MARCHF1: variants seen among roughly 807,000 people sequenced by gnomAD.
MARCHF1 encodes membrane associated ring-CH-type finger 1.
Under a neutral mutation model 54.2 loss-of-function variants are expected in MARCHF1, and 40 were observed. That is an observed-to-expected ratio of 0.74 (90% CI 0.57 to 0.96). The LOEUF (loss-of-function observed/expected upper bound fraction) is 0.96, where lower values mean the gene tolerates loss of function less well. MARCHF1 is among the 40% of genes least tolerant of loss of function. The pLI is 0.00. For missense variants in MARCHF1, 586 were observed against 656.5 expected (o/e 0.89, Z 1.17); for synonymous variants, 236 against 236.3 (o/e 1.00, Z 0.01).
Position 164,143,476 on chromosome 4 carries a change from G to A in MARCHF1, c.-322-31814C>T, listed in dbSNP as rs372451923. On this transcript the variant is annotated intron_variant, in intron 1 of 9. Transcript: ENST00000514618. ...CCATCAGACTAACAGCAGATCTCTC[G>A]GCAGAAACTCTACAAGCCAGAAGAG... Among the ~76,000 whole-genome samples the A allele has an allele frequency of 2.7e-5, 4 of 149,250 alleles. No homozygotes were observed. The South Asian group carries it at 6.5e-4, about 24-fold the overall frequency.
intron 1 of MARCHF1, among the ~76,000 whole-genome samples, chr4:164,212,745 G>A (rs528635301): frequency 2.6e-5 from 4 of 152,158 alleles, no homozygotes; most frequent in Admixed American, 2.6e-4. Flanking sequence ...CTCCAAGGTT[G>A]GTTGAATCCA....
chr4:163,612,379 A>G lies in MARCHF1; in HGVS notation c.902T>C (p.Val301Ala). 1 of 1,535,268 alleles carries G rather than the reference A, an allele frequency of 6.5e-7. No homozygotes were observed. The highest frequency in any genetic ancestry group is 8.7e-7 in the Non-Finnish European group (1 of 1,146,432). Residue 301 changes from valine (V) to alanine (A), a missense_variant, in exon 7 of 10, where the codon GTT (valine) becomes GCT (alanine). Physicochemically the swap from Val to Ala is moderately conservative, Grantham distance 64 (BLOSUM62 0). This residue lies in a region of MARCHF1 where 387 missense variants were observed against 394.6 expected (regional missense o/e 0.98). Coordinates refer to ENST00000514618, the MANE Select transcript of MARCHF1 (RefSeq NM_001394959.1). ...ETDSSTEILG[V>A]PEGSKDMNDA... Reference sequence around the variant, plus strand: ...ATTCATGTCCTTGCTGCCTTCTGGAACTCCCAGTATTTCAGTGCTGGAATC... The same window carrying G: ...ATTCATGTCCTTGCTGCCTTCTGGAGCTCCCAGTATTTCAGTGCTGGAATC...
At chr4:164,291,002 A>T (rs930257487) in intron 1 of MARCHF1, among the ~76,000 whole-genome samples, 2 of 151,804 alleles carry the variant, frequency 1.3e-5, no homozygotes, top group African/African-American at 4.8e-5. Flanking sequence ...ATGTTTTTTA[A>T]ATTATGATGC....
At chr4:163,997,660 T>C (rs567470979) in intron 2 of MARCHF1, among the ~76,000 whole-genome samples, 3 of 152,124 alleles carry the variant, frequency 2.0e-5, no homozygotes, top group South Asian at 2.1e-4. Flanking sequence ...TGGTTCCTTA[T>C]ATAGAGAAAC....
chr4:164,180,608 G>T (rs1730807892), intron 1 of MARCHF1, among the ~76,000 whole-genome samples: 1 of 152,158 alleles, frequency 6.6e-6, no homozygotes, highest in Non-Finnish European at 1.5e-5. Context: ...AGAGGAGACA[G>T]TGATATATCA....
Position 164,118,224 on chromosome 4 carries a change from C to T in MARCHF1, c.-322-6562G>A, listed in dbSNP as rs1339191465. 2.0e-5 allele frequency among the ~76,000 whole-genome samples: 3 copies of T among 151,530 alleles called. No individual in the cohort carries two copies. In the East Asian group the frequency reaches 5.8e-4, roughly 29 times the overall value. ...AATATTTTTATATGGAAAACATTAACTTGTACTTTGGAAAACAGTAAACCC... is the reference window on the plus strand; with the variant it reads ...AATATTTTTATATGGAAAACATTAATTTGTACTTTGGAAAACAGTAAACCC... On this transcript the variant is annotated intron_variant, in intron 1 of 9. Coordinates refer to ENST00000514618, the MANE Select transcript of MARCHF1 (RefSeq NM_001394959.1).
intron 4 of MARCHF1, among the ~76,000 whole-genome samples, chr4:163,745,919 T>C (rs972992437): frequency 6.6e-6 from 1 of 151,040 alleles, no homozygotes; most frequent in Non-Finnish European, 1.5e-5. Flanking sequence ...AGATTTCCCA[T>C]ATTCCTCTTA....
intron 4 of MARCHF1, among the ~76,000 whole-genome samples, chr4:163,759,439 T>C (rs375381398): frequency 1.3e-5 from 2 of 152,230 alleles, no homozygotes; most frequent in East Asian, 1.9e-4. Context: ...GATCTCATGA[T>C]GTGATCAATC....
chr4:163,832,602 A>ATTATTAT (rs945419517), intron 4 of MARCHF1, among the ~76,000 whole-genome samples: 1 of 150,522 alleles, frequency 6.6e-6, no homozygotes, highest in African/African-American at 2.4e-5. Flanking sequence ...TATTATTATT[A>ATTATTAT]TAATACTTTA....
intron 5 of MARCHF1, among the ~76,000 whole-genome samples, chr4:163,632,371 G>A (rs944275137): frequency 2.0e-5 from 3 of 152,178 alleles, no homozygotes; most frequent in Non-Finnish European, 2.9e-5. Context: ...GACAGTGGGC[G>A]CAGGTCAGTG....
chr4:163,964,969 C>T (rs1021541198), intron 3 of MARCHF1, among the ~76,000 whole-genome samples: 15 of 151,932 alleles, frequency 9.9e-5, no homozygotes, highest in East Asian at 9.7e-4. Context: ...TAAAGTCAAT[C>T]GAAAGTGTAT....
chr4:164,188,261 C>A (rs899438197), intron 1 of MARCHF1: 47 of 276,100 alleles, frequency 1.7e-4, no homozygotes, highest in African/African-American at 9.8e-4. Flanking sequence ...ACAGACAGAC[C>A]GACCGACCGA....
intron 4 of MARCHF1, among the ~76,000 whole-genome samples, chr4:163,839,922 T>C (rs17439517): frequency 0.16 from 23,985 of 151,760 alleles, 2,314 homozygotes; most frequent in African/African-American, 0.28. Context: ...ATAGAGAAAA[T>C]TGAAAAAGCC....
rs80086296 is a variant in MARCHF1 at position 163,922,416 on chromosome 4, G to T, written c.-39+66085C>A. Among the ~76,000 whole-genome samples, 1,317 of 152,220 alleles carry T rather than the reference G, an allele frequency of 8.7e-3. 13 individuals carry two copies. Among genetic ancestry groups the T allele is most frequent in the Non-Finnish European group, 0.013 (869 of 68,020 alleles). The stretch of plus-strand genomic sequence containing the variant: ...GTTTTTCATGTTAGATCAATTTTCT[G>T]TACTAAACAGGAAATAACTTTCCTT... On this transcript the variant is annotated intron_variant, in intron 3 of 9. Coordinates refer to ENST00000514618, the MANE Select transcript of MARCHF1 (RefSeq NM_001394959.1).
chr4:163,745,737 G>A (rs2110754185), intron 4 of MARCHF1, among the ~76,000 whole-genome samples: 1 of 152,298 alleles, frequency 6.6e-6, no homozygotes, highest in South Asian at 2.1e-4. Context: ...TGCATGGATG[G>A]CACTGTTGCT....
Position 163,914,969 on chromosome 4 carries a change from A to G in MARCHF1, c.-38-60800T>C, listed in dbSNP as rs544398685. Among the ~76,000 whole-genome samples the G allele has an allele frequency of 1.3e-3, 198 of 152,286 alleles. 1 individual carries two copies. The highest frequency in any genetic ancestry group is 2.2e-3 in the Non-Finnish European group (153 of 68,024). ...GCATACTGGGGCAGGGATAGTGGCC[A>G]AAATAAGGCTGGAGAAATAGGCAGG... is the stretch of plus-strand genomic sequence containing the variant. On this transcript the variant is annotated intron_variant, in intron 3 of 9. Coordinates refer to ENST00000514618, the MANE Select transcript of MARCHF1 (RefSeq NM_001394959.1).
At chr4:163,636,498 G>A (rs974390157) in intron 5 of MARCHF1, among the ~76,000 whole-genome samples, 9 of 147,608 alleles carry the variant, frequency 6.1e-5, no homozygotes, top group African/African-American at 1.7e-4. Flanking sequence ...ATTCACAATT[G>A]CTTCAAAGAG....
intron 4 of MARCHF1, among the ~76,000 whole-genome samples, chr4:163,709,003 T>C (rs1034162352): frequency 2.6e-5 from 4 of 152,116 alleles, no homozygotes; most frequent in Non-Finnish European, 5.9e-5. Context: ...TATAGAAAAA[T>C]GTGTAGAGGA....
At chr4:163,670,408 ATCTATC>A (rs1743696467) in intron 5 of MARCHF1, among the ~76,000 whole-genome samples, 3 of 151,860 alleles carry the variant, frequency 2.0e-5, no homozygotes, top group African/African-American at 7.3e-5. Context: ...CTATCTATCT[ATCTATC>A]TATCTATGGA....
Sources: allele counts gnomAD v4.1 joint callset (sites outside exome capture counted in the v4.1 genomes callset), GRCh38; gene constraint gnomAD v4.1.1; regional missense constraint gnomAD v4.1.1; transcripts MANE v1.5; gene names NCBI Gene and HGNC (gene_info 2026-07-23, HGNC 2026-07-21).